The following PRLR variants were observed in gnomAD, a reference collection of about 807,000 sequenced individuals.
The protein encoded by PRLR is hPRL receptor.
In PRLR, 13 loss-of-function variants were observed where a neutral mutation model predicts 40.2. The ratio of observed to expected loss-of-function variants is 0.32; its 90% CI spans 0.21 to 0.51. The LOEUF is 0.51. Ranked by LOEUF, PRLR falls within the 20% of genes least tolerant of loss-of-function variation. The probability of loss-of-function intolerance (pLI) is 0.97; values close to 1 mark genes in which losing one functional copy is unlikely to be tolerated. For synonymous variants in PRLR, 269 were observed against 278.7 expected (o/e 0.97, Z 0.35); for missense variants, 656 against 747.3 (o/e 0.88, Z 1.42).
At chr5:35,055,312 T>G (rs573311653), downstream of PRLR, among the ~76,000 whole-genome samples, 1 of 152,304 alleles carries the variant, frequency 6.6e-6, no homozygotes, top group African/African-American at 2.4e-5. Context: ...GATTGTTCTT[T>G]GTTGTTCCCA....
At chr5:35,134,398 C>T (rs1209445442) in intron 1 of PRLR, among the ~76,000 whole-genome samples, 3 of 87,450 alleles carry the variant, frequency 3.4e-5, no homozygotes, top group East Asian at 3.3e-4. Flanking sequence ...TGAATAAGGG[C>T]GGGGAGTGGG....
At chr5:35,169,839 G>A (rs1388016787) in intron 1 of PRLR, among the ~76,000 whole-genome samples, 1 of 152,120 alleles carries the variant, frequency 6.6e-6, no homozygotes, top group Admixed American at 6.6e-5. Context: ...ATCTCTCTAG[G>A]TGGCTGGTTT....
chr5:35,115,402 C>T (rs1400490606), intron 2 of PRLR, among the ~76,000 whole-genome samples: 1 of 152,110 alleles, frequency 6.6e-6, no homozygotes, highest in Non-Finnish European at 1.5e-5. Context: ...TGAGTAATGC[C>T]ACAATTTAGT....
rs886706654 is a variant in PRLR at position 35,142,568 on chromosome 5, G to A, written c.-105-24446C>T. Among the ~76,000 whole-genome samples the A allele has an allele frequency of 4.6e-5, 7 of 152,166 alleles. 1 individual carries two copies. Among genetic ancestry groups the A allele is most frequent in the Non-Finnish European group, 1.5e-5 (1 of 68,024 alleles). On this transcript the variant is annotated intron_variant, in intron 1 of 9. Coordinates refer to ENST00000618457, the MANE Select transcript of PRLR (RefSeq NM_000949.7). ...TGAAAGCACCAATTATCTACCCAAA[G>A]CTTCTTAATGAAGCTTGAGAGGAAA...
intron 1 of PRLR, among the ~76,000 whole-genome samples, chr5:35,205,450 A>G (rs1245595813): frequency 6.6e-6 from 1 of 152,216 alleles, no homozygotes; most frequent in Middle Eastern, 3.2e-3. Flanking sequence ...AAAGAAAGTA[A>G]GTAGACAGTT....
chr5:35,180,247 A>C (rs1350405162), intron 1 of PRLR, among the ~76,000 whole-genome samples: 1 of 152,050 alleles, frequency 6.6e-6, no homozygotes, highest in Non-Finnish European at 1.5e-5. Context: ...CTTGCCCGCC[A>C]CTCACCTCCT....
chr5:35,128,830 TGACTGCTGG>T (rs1199748280), intron 1 of PRLR, among the ~76,000 whole-genome samples: 15 of 152,212 alleles, frequency 9.9e-5, no homozygotes, highest in Admixed American at 6.5e-5. Context: ...ATCAAGTATT[TGACTGCTGG>T]GAAGGTGGAG....
At chr5:35,110,417 A>T (rs1250409181) in intron 2 of PRLR, among the ~76,000 whole-genome samples, 1 of 152,170 alleles carries the variant, frequency 6.6e-6, no homozygotes, top group Non-Finnish European at 1.5e-5. Flanking sequence ...GGGGCTCTAT[A>T]GAACATTTCA....
intron 1 of PRLR, among the ~76,000 whole-genome samples, chr5:35,207,957 C>T: frequency 6.6e-6 from 1 of 151,968 alleles, no homozygotes; most frequent in East Asian, 1.9e-4. Flanking sequence ...ATTGATATAG[C>T]AATAAAACTA....
At chr5:35,170,901 C>A (rs1774977266) in intron 1 of PRLR, among the ~76,000 whole-genome samples, 1 of 152,082 alleles carries the variant, frequency 6.6e-6, no homozygotes, top group African/African-American at 2.4e-5. Flanking sequence ...CTGTAATAGG[C>A]ACTAAGAATA....
intron 1 of PRLR, among the ~76,000 whole-genome samples, chr5:35,173,990 A>G (rs1370024339): frequency 6.7e-6 from 1 of 148,536 alleles, no homozygotes; most frequent in Non-Finnish European, 1.5e-5. Flanking sequence ...CCTTCCCCCC[A>G]CCCCACAACA....
intron 1 of PRLR, among the ~76,000 whole-genome samples, chr5:35,216,473 A>G (rs964260021): frequency 1.3e-5 from 2 of 152,182 alleles, no homozygotes; most frequent in East Asian, 3.8e-4. Context: ...TTCTTCCTGA[A>G]ACACAGTAGG....
intron 1 of PRLR, among the ~76,000 whole-genome samples, chr5:35,224,139 A>G (rs528357847): frequency 6.6e-6 from 1 of 152,076 alleles, no homozygotes; most frequent in African/African-American, 2.4e-5. Context: ...TGGGCTCCCC[A>G]TCCCTAGAAG....
chr5:35,196,444 T>C (rs75158422), intron 1 of PRLR, among the ~76,000 whole-genome samples: 2,872 of 152,344 alleles, frequency 0.019, 116 homozygotes, highest in African/African-American at 0.066. Flanking sequence ...GGGTGTGTTT[T>C]GGGATCCATA....
intron 5 of PRLR, chr5:35,082,017 A>AC (rs1437002855): frequency 3.2e-5 from 5 of 156,248 alleles, no homozygotes; most frequent in East Asian, 3.7e-4. Flanking sequence ...CTGGACCACC[A>AC]CCCCCAGTGA....
At chr5:35,175,849 A>G (rs1282351990) in intron 1 of PRLR, among the ~76,000 whole-genome samples, 1 of 151,602 alleles carries the variant, frequency 6.6e-6, no homozygotes, top group Non-Finnish European at 1.5e-5. Flanking sequence ...TCAACTATCA[A>G]TGATCTTAGC....
intron 1 of PRLR, among the ~76,000 whole-genome samples, chr5:35,154,421 A>T (rs186748924): frequency 6.6e-6 from 1 of 152,102 alleles, no homozygotes; most frequent in African/African-American, 2.4e-5. Context: ...TTTTTAACTT[A>T]TCTATTTATG....
chr5:35,087,458 G>GTGTGTGTGTGT (rs1770930243), intron 3 of PRLR, among the ~76,000 whole-genome samples: 1 of 150,062 alleles, frequency 6.7e-6, no homozygotes, highest in African/African-American at 2.5e-5. Context: ...GTGTGTGTGT[G>GTGTGTGTGTGT]GTGAGGTTGC....
intron 5 of PRLR, among the ~76,000 whole-genome samples, chr5:35,083,068 T>TACACACACACAC (rs3836809): frequency 2.8e-4 from 41 of 144,838 alleles, no homozygotes; most frequent in African/African-American, 1.0e-3. Flanking sequence ...GGTAAGGCAA[T>TACACACACACAC]ACACACACAC....
Sources: allele counts gnomAD v4.1 joint callset (sites outside exome capture counted in the v4.1 genomes callset), GRCh38; gene constraint gnomAD v4.1.1; transcripts MANE v1.5; gene names NCBI Gene and HGNC (gene_info 2026-07-23, HGNC 2026-07-21).